The following KANK1 variants were observed in gnomAD, a reference collection of about 807,000 sequenced individuals.
KANK1 encodes the protein KN motif and ankyrin repeat domain-containing protein 1.
Under a neutral mutation model 106.2 loss-of-function variants are expected in KANK1, and 109 were observed. The observed-to-expected ratio is 1.03, with a 90% confidence interval of 0.88 to 1.20. The LOEUF (loss-of-function observed/expected upper bound fraction) is 1.20, where lower values mean the gene tolerates loss of function less well. Among genes scored for constraint, KANK1 ranks in the 50% most tolerant of loss-of-function variants. The probability of loss-of-function intolerance (pLI) is 0.00; values close to 1 mark genes in which losing one functional copy is unlikely to be tolerated. For missense variants in KANK1, 2,399 were observed against 1,710.7 expected, an observed-to-expected ratio of 1.40 and a Z score of -7.10; for synonymous variants, 873 against 652.2, an observed-to-expected ratio of 1.34 and a Z score of -5.16.
intron 2 of KANK1, 95 bp downstream of exon 2, chr9:677,104 G>T: frequency 8.7e-7 from 1 of 1,154,196 alleles, no homozygotes; most frequent in African/African-American, 1.6e-5. Context: ...ATAGCAAGTT[G>T]CCTAGATAAC....
rs61448871 is a variant in KANK1, at chr9:482,357, T to A, written c.-362+9084T>A. Among the ~76,000 whole-genome samples the A allele has an allele frequency of 7.3e-3, 1,115 of 152,326 alleles. 18 individuals are homozygous for A. The highest frequency in any genetic ancestry group is 0.024 in the African/African-American group (1,001 of 41,570). On this transcript the variant is annotated intron_variant, in intron 3 of 15. Coordinates refer to the KANK1 transcript ENST00000382303. ...CGGATTCGAATTTGTCTTTATTATGTGGTGTACACCTTTGTTGGGGTACTA... is the reference window on the plus strand; with the variant it reads ...CGGATTCGAATTTGTCTTTATTATGAGGTGTACACCTTTGTTGGGGTACTA...
rs554629105 is a variant in KANK1, at chr9:580,253, C to T, written c.-84+75499C>T. On this transcript the variant is annotated intron_variant, in intron 1 of 11. Coordinates refer to ENST00000382297, the MANE Select transcript of KANK1 (RefSeq NM_015158.5). ...ATTCCTCCCGGTGGGTTCGTGGTCT[C>T]GCTGGCCTCAGGAGTGAAGCTGCAG... Among the ~76,000 whole-genome samples the T allele has an allele frequency of 2.1e-4, 32 of 152,154 alleles. No individual in the cohort carries two copies. In the South Asian group the frequency reaches 6.2e-3, roughly 30 times the overall value.
At chr9:679,051 A>G (rs1325995356) in intron 2 of KANK1, among the ~76,000 whole-genome samples, 1 of 152,158 alleles carries the variant, frequency 6.6e-6, no homozygotes, top group Non-Finnish European at 1.5e-5. Flanking sequence ...CTGAGATCTA[A>G]TAAGCAAGCT....
At chr9:481,414 CT>C (rs1170692229) in intron 3 of KANK1, among the ~76,000 whole-genome samples, 1 of 152,170 alleles carries the variant, frequency 6.6e-6, no homozygotes, top group Admixed American at 6.5e-5. Flanking sequence ...CTTAAGCCTT[CT>C]TTGCCTGCTG....
chr9:483,788 C>G (rs1442426557), intron 3 of KANK1, among the ~76,000 whole-genome samples: 1 of 152,148 alleles, frequency 6.6e-6, no homozygotes, highest in East Asian at 1.9e-4. Flanking sequence ...GACAGGCACT[C>G]TTGACAACCT....
At chr9:707,443 G>C (rs117489690) in intron 2 of KANK1, among the ~76,000 whole-genome samples, 3 of 152,200 alleles carry the variant, frequency 2.0e-5, no homozygotes, top group African/African-American at 4.8e-5. Context: ...TGACAGCCAA[G>C]CTGCAGCTTC....
At position 654,117 on chromosome 9, in the gene KANK1, A is replaced by G. The variant is rs796230856; in HGVS notation, c.-83-22773A>G. ...AGAGCAGATCGTTTTTACTTAAAAG[A>G]TGTAAGTTTTGAAAATGACCACATG... On this transcript the variant is annotated intron_variant, in intron 1 of 11. Transcript: ENST00000382297. Among the ~76,000 whole-genome samples the G allele has an allele frequency of 5.3e-5, 8 of 152,280 alleles. 1 individual carries two copies. The highest frequency in any genetic ancestry group is 1.7e-4 in the African/African-American group (7 of 41,542).
chr9:739,326 T>G (rs1055031121), intron 8 of KANK1, among the ~76,000 whole-genome samples: 1 of 152,254 alleles, frequency 6.6e-6, no homozygotes, highest in South Asian at 2.1e-4. Flanking sequence ...GGATGTAGTG[T>G]GAACCTTAGA....
chr9:521,022 T>A (rs2059522903), intron 1 of KANK1, among the ~76,000 whole-genome samples: 1 of 151,762 alleles, frequency 6.6e-6, no homozygotes, highest in Admixed American at 6.6e-5. Context: ...AGAAATAAAA[T>A]TTATTAAGGC....
At chr9:558,164 A>G (rs1815361470) in intron 1 of KANK1, among the ~76,000 whole-genome samples, 1 of 152,204 alleles carries the variant, frequency 6.6e-6, no homozygotes, top group Non-Finnish European at 1.5e-5. Context: ...GAAGGGCATT[A>G]AGGAGGAGCA....
chr9:635,694 CTTTTTTT>C (rs1162836319), intron 1 of KANK1, among the ~76,000 whole-genome samples: 1 of 103,374 alleles, frequency 9.7e-6, no homozygotes, highest in Non-Finnish European at 1.8e-5. Context: ...CCTTTTTATT[CTTTTTTT>C]TTTTTTTTTT....
intron 1 of KANK1, among the ~76,000 whole-genome samples, chr9:523,213 A>G (rs1424512348): frequency 1.3e-5 from 2 of 151,534 alleles, no homozygotes; most frequent in African/African-American, 2.4e-5. Context: ...CGTCACCCAA[A>G]CAGAATTTCT....
Position 580,933 on chromosome 9 carries a change from G to A in KANK1, c.-84+76179G>A, listed in dbSNP as rs546723223. On this transcript the variant is annotated intron_variant, in intron 1 of 11. Transcript: ENST00000382297. The stretch of plus-strand genomic sequence containing the variant: ...CTTGCCCCACGGGGAGGCAGCTGAG[G>A]CCTGGTGAGAATTGGAGCGCAGCGC... 2.6e-5 allele frequency among the ~76,000 whole-genome samples: 4 copies of A among 152,332 alleles called. No homozygotes were observed. In the South Asian group the frequency reaches 8.3e-4, roughly 32 times the overall value.
At chr9:655,245 C>T (rs1841871267) in intron 1 of KANK1, among the ~76,000 whole-genome samples, 1 of 151,950 alleles carries the variant, frequency 6.6e-6, no homozygotes, top group Non-Finnish European at 1.5e-5. Flanking sequence ...ATGGCACACG[C>T]TTGTAATCCC....
rs1028104960 is a variant in KANK1, at chr9:566,608, G to A, written c.-84+61854G>A. On this transcript the variant is annotated intron_variant, in intron 1 of 11. Coordinates refer to ENST00000382297, the MANE Select transcript of KANK1 (RefSeq NM_015158.5). ...TGTTATTTGCGTTTCTCTAATGATC[G>A]GTAATGTTGAGCTTTTTTTCCACAT... 2.0e-4 allele frequency among the ~76,000 whole-genome samples: 31 copies of A among 152,208 alleles called. 1 individual carries two copies. Among genetic ancestry groups the A allele is most frequent in the Admixed American group, 9.8e-4 (15 of 15,288 alleles).
intron 9 of KANK1, among the ~76,000 whole-genome samples, chr9:741,608 C>T (rs753741364): frequency 1.3e-5 from 2 of 151,958 alleles, no homozygotes. Context: ...CTGCCTCAGC[C>T]TCCCAAGTAG....
intron 2 of KANK1, among the ~76,000 whole-genome samples, chr9:692,462 A>G (rs1250017709): frequency 6.6e-6 from 1 of 151,992 alleles, no homozygotes; most frequent in Non-Finnish European, 1.5e-5. Context: ...TACTTTACAC[A>G]ACAAGACCTC....
intron 3 of KANK1, chr9:489,184 T>A (rs1321891803): frequency 6.6e-6 from 1 of 152,178 alleles, no homozygotes; most frequent in Non-Finnish European, 1.5e-5. Context: ...TATGAATGAA[T>A]AAACTTTTTC....
intron 2 of KANK1, among the ~76,000 whole-genome samples, chr9:680,271 T>C (rs1372043721): frequency 6.6e-6 from 1 of 152,156 alleles, no homozygotes; most frequent in African/African-American, 2.4e-5. Context: ...GGGCAAACCA[T>C]GCCCTTGGCA....
Sources: gnomAD v4.1 joint callset for allele counts (sites outside exome capture counted in the v4.1 genomes callset) on GRCh38, gnomAD v4.1.1 for gene constraint, MANE v1.5 for transcripts, NCBI Gene and HGNC (gene_info 2026-07-23, HGNC 2026-07-21) for gene names.